PDE7B: variants seen among roughly 807,000 people sequenced by gnomAD.
The protein encoded by PDE7B is 3',5'-cyclic-AMP phosphodiesterase 7B.
In PDE7B, 29 loss-of-function variants were observed where a neutral mutation model predicts 56.2. The observed-to-expected ratio is 0.52, with a 90% CI of 0.38 to 0.70. The LOEUF (loss-of-function observed/expected upper bound fraction) is 0.70, where lower values mean the gene tolerates loss of function less well. Among genes scored for constraint, PDE7B ranks in the 30% least tolerant of loss-of-function variants. The pLI, the probability that PDE7B is intolerant of heterozygous loss-of-function variation, is 0.00. For missense variants in PDE7B, 490 were observed against 565.0 expected (o/e 0.87, Z 1.35); for synonymous variants, 197 against 196.9 (o/e 1.00, Z 0.00).
At chr6:135,996,830 G>T (rs897242220) in intron 2 of PDE7B, among the ~76,000 whole-genome samples, 4 of 152,168 alleles carry the variant, frequency 2.6e-5, no homozygotes, top group African/African-American at 9.7e-5. Context: ...GTAGATAACA[G>T]CAAATATACT....
intron 3 of PDE7B, among the ~76,000 whole-genome samples, chr6:136,130,160 C>T (rs1229295614): frequency 6.6e-6 from 1 of 152,140 alleles, no homozygotes; most frequent in Non-Finnish European, 1.5e-5. Context: ...TGTGCAGGAC[C>T]CAGTCCATTA....
intron 1 of PDE7B, among the ~76,000 whole-genome samples, chr6:135,915,876 T>TA: frequency 6.6e-6 from 1 of 152,376 alleles, no homozygotes; most frequent in Non-Finnish European, 1.5e-5. Flanking sequence ...TGCAGTCTGG[T>TA]ACTGCTGTGC....
At chr6:135,933,927 G>C (rs1166213843) in intron 1 of PDE7B, among the ~76,000 whole-genome samples, 1 of 151,950 alleles carries the variant, frequency 6.6e-6, no homozygotes, top group Non-Finnish European at 1.5e-5. Flanking sequence ...ATATGCCCCT[G>C]GTCAGTCTTT....
intron 1 of PDE7B, among the ~76,000 whole-genome samples, chr6:135,912,359 C>A (rs544521626): frequency 2.6e-5 from 4 of 152,032 alleles, no homozygotes; most frequent in Admixed American, 6.6e-5. Context: ...ACATACATAG[C>A]GTAGCATTTA....
chr6:135,993,122 G>A (rs1217546957), intron 2 of PDE7B: 1 of 152,130 alleles, frequency 6.6e-6, no homozygotes, highest in East Asian at 1.9e-4. Context: ...CTGCTACATT[G>A]GGCCAGGTCA....
intron 3 of PDE7B, among the ~76,000 whole-genome samples, chr6:136,130,227 G>A (rs970469021): frequency 6.6e-6 from 1 of 152,040 alleles, no homozygotes. Context: ...GGATTCAGAG[G>A]GTGGCGCCAA....
At chr6:135,977,935 TAAG>T (rs1363151606) in intron 2 of PDE7B, among the ~76,000 whole-genome samples, 1 of 152,184 alleles carries the variant, frequency 6.6e-6, no homozygotes, top group East Asian at 1.9e-4. Flanking sequence ...ATTCATGAGT[TAAG>T]AAGTATATAC....
At chr6:135,956,263 G>A (rs1244702735) in intron 2 of PDE7B, among the ~76,000 whole-genome samples, 6 of 152,248 alleles carry the variant, frequency 3.9e-5, no homozygotes, top group Non-Finnish European at 5.9e-5. Context: ...GGAGAGAATG[G>A]TATCTTAGCC....
rs1774243944 is a variant in PDE7B at position 135,928,651 on chromosome 6, A to G, written c.22-18813A>G. On this transcript the variant is annotated intron_variant, in intron 1 of 12. Coordinates refer to ENST00000308191, the MANE Select transcript of PDE7B (RefSeq NM_018945.4). The stretch of plus-strand genomic sequence containing the variant: ...AAAAAGGGGCAAAATCATGTCCTTT[A>G]CAGTAACATGAACAAAGCTAAAGGC... Among the ~76,000 whole-genome samples, 4 of 150,878 alleles carry G rather than the reference A, an allele frequency of 2.7e-5. No homozygotes were observed. In the South Asian group the frequency reaches 8.4e-4, roughly 32 times the overall value.
intron 2 of PDE7B, among the ~76,000 whole-genome samples, chr6:135,985,171 T>C (rs1045351260): frequency 6.6e-6 from 1 of 152,180 alleles, no homozygotes; most frequent in African/African-American, 2.4e-5. Flanking sequence ...AGGACTGTCA[T>C]GCTGCTGTGT....
At chr6:135,876,058 A>C (rs1009155212) in intron 1 of PDE7B, among the ~76,000 whole-genome samples, 2 of 152,198 alleles carry the variant, frequency 1.3e-5, no homozygotes, top group East Asian at 3.9e-4. Context: ...GACAGCCTTC[A>C]GACCTCAGGG....
At chr6:135,919,489 C>T (rs1774025269) in intron 1 of PDE7B, among the ~76,000 whole-genome samples, 1 of 152,196 alleles carries the variant, frequency 6.6e-6, no homozygotes, top group Admixed American at 6.5e-5. Flanking sequence ...CTCTATTAGT[C>T]CCTACAACCA....
intron 1 of PDE7B, among the ~76,000 whole-genome samples, chr6:135,866,259 C>T (rs1775259902): frequency 6.6e-6 from 1 of 151,958 alleles, no homozygotes; most frequent in Admixed American, 6.6e-5. Context: ...TATTTGTACC[C>T]ACATCTACAT....
intron 2 of PDE7B, among the ~76,000 whole-genome samples, chr6:136,051,757 T>C (rs1379975771): frequency 2.0e-5 from 3 of 152,246 alleles, no homozygotes; most frequent in Non-Finnish European, 2.9e-5. Flanking sequence ...AAAAGATTTC[T>C]TACCATATCC....
At chr6:136,050,588 A>C (rs1776606854) in intron 2 of PDE7B, among the ~76,000 whole-genome samples, 1 of 152,088 alleles carries the variant, frequency 6.6e-6, no homozygotes, top group East Asian at 1.9e-4. Context: ...TGGAGGTAGA[A>C]TTTCAAGCAG....
At chr6:136,151,914 T>G (rs1256826072) in intron 6 of PDE7B, among the ~76,000 whole-genome samples, 1 of 152,058 alleles carries the variant, frequency 6.6e-6, no homozygotes, top group Non-Finnish European at 1.5e-5. Flanking sequence ...CACTCCAGCC[T>G]GGGCGACAGT....
At chr6:135,989,272 T>A (rs1232746501) in intron 2 of PDE7B, among the ~76,000 whole-genome samples, 1 of 152,160 alleles carries the variant, frequency 6.6e-6, no homozygotes, top group Non-Finnish European at 1.5e-5. Context: ...CGTCACTATA[T>A]TGCTTGTCCT....
intron 3 of PDE7B, among the ~76,000 whole-genome samples, chr6:136,138,975 G>GT (rs938082882): frequency 2.6e-4 from 40 of 151,878 alleles, no homozygotes; most frequent in African/African-American, 8.9e-4. Flanking sequence ...TTTTTTTGTT[G>GT]TTTTTTATTA....
At chr6:136,123,243 T>C (rs1429399684) in intron 3 of PDE7B, among the ~76,000 whole-genome samples, 4 of 152,118 alleles carry the variant, frequency 2.6e-5, no homozygotes, top group Admixed American at 2.6e-4. Flanking sequence ...CCTGTAGTCC[T>C]AGCTACTCGG....
Sources: gnomAD v4.1 joint callset for allele counts (sites outside exome capture counted in the v4.1 genomes callset) on GRCh38, gnomAD v4.1.1 for gene constraint, MANE v1.5 for transcripts, NCBI Gene and HGNC (gene_info 2026-07-23, HGNC 2026-07-21) for gene names.